The following PREX2 variants were observed in gnomAD, a reference collection of about 807,000 sequenced individuals.
PREX2 encodes phosphatidylinositol 3,4,5-trisphosphate-dependent Rac exchanger 2 protein.
PREX2 carries 107 observed loss-of-function variants against 203.2 expected under a neutral mutation model. The ratio of observed to expected loss-of-function variants is 0.53; its 90% confidence interval spans 0.45 to 0.62. The LOEUF (loss-of-function observed/expected upper bound fraction) is 0.62. PREX2 is among the 20% of genes least tolerant of loss of function. The probability of loss-of-function intolerance (pLI) is 0.00; values close to 1 mark genes in which losing one functional copy is unlikely to be tolerated. For synonymous variants in PREX2, 672 were observed against 663.6 expected (o/e 1.01, Z -0.19); for missense variants, 1,777 against 1,955.9 (o/e 0.91, Z 1.72).
chr8:68,002,446 C>A (rs914919015), intron 1 of PREX2, among the ~76,000 whole-genome samples: 1 of 152,202 alleles, frequency 6.6e-6, no homozygotes, highest in East Asian at 1.9e-4. Flanking sequence ...TCACAAAGTG[C>A]TCTCCCAAAG....
At chr8:68,126,800 C>T (rs538594332) in intron 30 of PREX2, among the ~76,000 whole-genome samples, 4 of 152,074 alleles carry the variant, frequency 2.6e-5, no homozygotes, top group African/African-American at 9.6e-5. Flanking sequence ...ATTTATCAAA[C>T]ATCTGTGATT....
At position 67,952,483 on chromosome 8, in the gene PREX2, A is replaced by G; in HGVS notation, c.89A>G (p.Glu30Gly). The change falls in exon 1 of 40, where the codon GAG (glutamate) becomes GGG (glycine). Residue 30 changes from glutamate (E) to glycine (G), a missense_variant. Glu to Gly is a moderately conservative substitution (Grantham distance 98). Coordinates refer to ENST00000288368, the MANE Select transcript of PREX2 (RefSeq NM_024870.4). ...CGCCTGCGCGTGTGCGTGCTCAGCG[A>G]GCTCCAGAAGACCGAGCGGGACTAT... ...QLRLRVCVLS[E>G]LQKTERDYVG... 1.2e-6 allele frequency: 2 copies of G among 1,607,676 alleles called. No homozygotes were observed. The highest frequency in any genetic ancestry group is 1.7e-6 in the Non-Finnish European group (2 of 1,177,310).
At chr8:68,049,117 C>CTTT (rs3056658) in intron 8 of PREX2, among the ~76,000 whole-genome samples, 60 of 116,146 alleles carry the variant, frequency 5.2e-4, no homozygotes, top group African/African-American at 1.5e-3. Context: ...CAATTAGAAT[C>CTTT]TTTTTTTTTT....
intron 22 of PREX2, among the ~76,000 whole-genome samples, chr8:68,099,392 G>C (rs1413482307): frequency 6.6e-6 from 1 of 152,030 alleles, no homozygotes; most frequent in East Asian, 1.9e-4. Flanking sequence ...GGGAGTCTTT[G>C]AAGTCCAGTT....
intron 24 of PREX2, 143 bp downstream of exon 24, chr8:68,108,474 A>T (rs1810463962): frequency 4.7e-6 from 3 of 635,734 alleles, no homozygotes; most frequent in Non-Finnish European, 8.2e-6. Context: ...TGCTGTAATC[A>T]TTTGGATAAT....
intron 1 of PREX2, among the ~76,000 whole-genome samples, chr8:67,996,776 C>T (rs568687290): frequency 4.5e-4 from 69 of 152,136 alleles, no homozygotes; most frequent in South Asian, 3.9e-3. Flanking sequence ...CTACCTTATA[C>T]ATATATGTCT....
At chr8:68,047,949 T>A in intron 8 of PREX2, among the ~76,000 whole-genome samples, 1 of 152,160 alleles carries the variant, frequency 6.6e-6, no homozygotes, top group South Asian at 2.1e-4. Context: ...TCATAATACT[T>A]AATGACTTGG....
At chr8:68,204,575 C>T (rs1024170389) in intron 37 of PREX2, among the ~76,000 whole-genome samples, 1 of 152,012 alleles carries the variant, frequency 6.6e-6, no homozygotes, top group Admixed American at 6.6e-5. Flanking sequence ...TCAGATCTTA[C>T]CCAGCTGTTA....
chr8:67,956,642 A>G (rs1805500506), intron 1 of PREX2, among the ~76,000 whole-genome samples: 2 of 152,348 alleles, frequency 1.3e-5, no homozygotes, highest in Non-Finnish European at 2.9e-5. Flanking sequence ...ACTGTGGGTC[A>G]GTGGCAATGA....
At chr8:68,003,596 G>C (rs1259331668) in intron 1 of PREX2, among the ~76,000 whole-genome samples, 1 of 152,140 alleles carries the variant, frequency 6.6e-6, no homozygotes, top group Non-Finnish European at 1.5e-5. Flanking sequence ...GAGTTCTGGA[G>C]AGTTTTCTTC....
intron 17 of PREX2, among the ~76,000 whole-genome samples, chr8:68,081,405 AC>A (rs1001946355): frequency 6.6e-6 from 1 of 151,666 alleles, no homozygotes. Context: ...GGGATTGGGG[AC>A]CCCTGTCCTA....
At chr8:68,127,051 T>C (rs1810907794) in intron 30 of PREX2, among the ~76,000 whole-genome samples, 1 of 152,086 alleles carries the variant, frequency 6.6e-6, no homozygotes, top group Non-Finnish European at 1.5e-5. Context: ...CAGCTAAGGA[T>C]GACCTAAAAA....
intron 9 of PREX2, among the ~76,000 whole-genome samples, chr8:68,053,704 C>T (rs1347835653): frequency 1.3e-5 from 2 of 152,268 alleles, no homozygotes; most frequent in East Asian, 3.9e-4. Flanking sequence ...ACTAAAATTT[C>T]TTAGACCCAA....
chr8:68,022,213 C>G lies in PREX2; in HGVS notation c.441+73C>G, dbSNP rs111268412. 2.6e-5 allele frequency: 20 copies of G among 770,316 alleles called. No homozygotes were observed. The African/African-American group carries it at 3.3e-4, about 13-fold the overall frequency. The allele number at this position is 770,316 out of a possible 1,614,324, so 47.7% of individuals were successfully genotyped here. On this transcript the variant is annotated intron_variant, in intron 4 of 39. Coordinates refer to ENST00000288368, the MANE Select transcript of PREX2 (RefSeq NM_024870.4). ...TCCAGTGAGAGCCAAGGAATAGCAT[C>G]AATATGGAGTAAAAATCTGTGGGAT...
At chr8:67,985,905 A>G (rs1222423611) in intron 1 of PREX2, among the ~76,000 whole-genome samples, 3 of 152,126 alleles carry the variant, frequency 2.0e-5, no homozygotes, top group Non-Finnish European at 4.4e-5. Flanking sequence ...TAATTCTATT[A>G]TCAGACCATG....
At chr8:68,044,682 A>C in intron 8 of PREX2, 92 bp downstream of exon 8, 1 of 889,642 alleles carries the variant, frequency 1.1e-6, no homozygotes, top group Non-Finnish European at 1.8e-6. Context: ...TTCACCTGCC[A>C]TGTATTAGAG....
intron 9 of PREX2, among the ~76,000 whole-genome samples, chr8:68,054,685 C>G (rs1428417120): frequency 6.6e-6 from 1 of 152,192 alleles, no homozygotes; most frequent in Non-Finnish European, 1.5e-5. Flanking sequence ...TCTATTCCAT[C>G]AGATTAACTC....
intron 35 of PREX2, among the ~76,000 whole-genome samples, chr8:68,176,216 C>A (rs1450502104): frequency 6.6e-6 from 1 of 152,136 alleles, no homozygotes; most frequent in Non-Finnish European, 1.5e-5. Flanking sequence ...GACAGAGGAA[C>A]AAATCCCTTT....
chr8:68,186,904 AT>A (rs1386929895), intron 35 of PREX2, among the ~76,000 whole-genome samples: 1 of 152,148 alleles, frequency 6.6e-6, no homozygotes, highest in East Asian at 1.9e-4. Flanking sequence ...TCTGTAACTT[AT>A]TTTTTTCCTT....
Sources: gnomAD v4.1 joint callset for allele counts (sites outside exome capture counted in the v4.1 genomes callset) on GRCh38, gnomAD v4.1.1 for gene constraint, MANE v1.5 for transcripts, NCBI Gene and HGNC (gene_info 2026-07-23, HGNC 2026-07-21) for gene names.